PRKCE: variants seen among roughly 807,000 people sequenced by gnomAD.
The protein encoded by PRKCE is protein kinase C epsilon.
A neutral mutation model predicts 85.4 loss-of-function variants in PRKCE; 16 were observed. The observed-to-expected ratio is 0.19, with a 90% CI of 0.13 to 0.28. The LOEUF (loss-of-function observed/expected upper bound fraction) is 0.28. PRKCE is among the 10% of genes least tolerant of loss of function. PRKCE has a pLI of 1.00. For missense variants in PRKCE, 573 were observed against 975.2 expected (o/e 0.59, Z 5.49); for synonymous variants, 388 against 371.5 (o/e 1.04, Z -0.51).
intron 1 of PRKCE, among the ~76,000 whole-genome samples, chr2:45,768,696 C>T (rs892718768): frequency 6.6e-5 from 10 of 152,220 alleles, no homozygotes; most frequent in Admixed American, 4.6e-4. Flanking sequence ...TCCAAATGCT[C>T]TGTCTTTCAC....
At chr2:45,984,423 C>A (rs1203251500) in intron 5 of PRKCE, 128 bp from the exon 6 acceptor site, 16 of 1,370,480 alleles carry the variant, frequency 1.2e-5, no homozygotes, top group Non-Finnish European at 1.5e-5. Flanking sequence ...GCTTTTAGAG[C>A]CAAGCTAGGG....
At chr2:45,763,770 G>A (rs929618956) in intron 1 of PRKCE, among the ~76,000 whole-genome samples, 1 of 152,048 alleles carries the variant, frequency 6.6e-6, no homozygotes, top group Non-Finnish European at 1.5e-5. Flanking sequence ...TTTTATCAGT[G>A]GGGGAAAGAG....
intron 11 of PRKCE, among the ~76,000 whole-genome samples, chr2:46,111,161 G>A (rs1187163198): frequency 6.7e-6 from 1 of 149,274 alleles, no homozygotes; most frequent in Non-Finnish European, 1.5e-5. Flanking sequence ...GAATTCTTAT[G>A]TTATTGGATG....
At chr2:46,032,965 G>A (rs960215565) in intron 10 of PRKCE, among the ~76,000 whole-genome samples, 24 of 152,156 alleles carry the variant, frequency 1.6e-4, no homozygotes, top group African/African-American at 4.8e-4. Flanking sequence ...TGAAGTAGCC[G>A]TCAGTGGTGC....
At chr2:45,864,772 T>C (rs557869064) in intron 2 of PRKCE, among the ~76,000 whole-genome samples, 9 of 152,316 alleles carry the variant, frequency 5.9e-5, no homozygotes, top group African/African-American at 2.2e-4. Context: ...AGCTTCTCTT[T>C]TGAGGTAGAG....
rs1262422974 is a variant in PRKCE at position 45,789,118 on chromosome 2, G to T, written c.349-53882G>T. Among the ~76,000 whole-genome samples the T allele has an allele frequency of 2.0e-5, 3 of 152,254 alleles. No individual in the cohort carries two copies. The East Asian group carries it at 5.8e-4, about 29-fold the overall frequency. The stretch of plus-strand genomic sequence containing the variant: ...CTTTTAAGACAGATGACAGGTTCTT[G>T]GTGGGGGAAGGTGGCTCATGCCTAT... On this transcript the variant is annotated intron_variant, in intron 1 of 14. Coordinates refer to ENST00000306156, the MANE Select transcript of PRKCE (RefSeq NM_005400.3).
chr2:46,129,974 G>C (rs1674261525), intron 11 of PRKCE, among the ~76,000 whole-genome samples: 2 of 152,184 alleles, frequency 1.3e-5, no homozygotes, highest in South Asian at 4.1e-4. Flanking sequence ...AATAAAAGCT[G>C]TTTGACAGTC....
intron 1 of PRKCE, among the ~76,000 whole-genome samples, chr2:45,653,811 A>G (rs547652085): frequency 6.6e-6 from 1 of 152,320 alleles, no homozygotes; most frequent in African/African-American, 2.4e-5. Context: ...TGTGGTTTGC[A>G]CTTTGGAAAG....
chr2:46,018,352 G>A (rs1272977326), intron 10 of PRKCE, among the ~76,000 whole-genome samples: 5 of 152,206 alleles, frequency 3.3e-5, no homozygotes, highest in Non-Finnish European at 2.9e-5. Flanking sequence ...TAGGAGTCCC[G>A]GCCTTGTGAA....
chr2:46,027,098 A>G (rs1707170643), intron 10 of PRKCE, among the ~76,000 whole-genome samples: 1 of 152,084 alleles, frequency 6.6e-6, no homozygotes, highest in Non-Finnish European at 1.5e-5. Context: ...GAGCCTAGGA[A>G]GTCAAGGCTG....
At chr2:45,849,105 G>A (rs1573597934) in intron 2 of PRKCE, among the ~76,000 whole-genome samples, 2 of 152,308 alleles carry the variant, frequency 1.3e-5, no homozygotes, top group South Asian at 4.1e-4. Flanking sequence ...AGTATTGCAG[G>A]CAGAAATTTT....
chr2:45,885,330 G>A (rs1695213576), intron 2 of PRKCE, among the ~76,000 whole-genome samples: 1 of 152,050 alleles, frequency 6.6e-6, no homozygotes. Context: ...ACCTGACAAA[G>A]CTTCCTTTTT....
intron 13 of PRKCE, among the ~76,000 whole-genome samples, chr2:46,156,737 A>G (rs893782849): frequency 6.6e-6 from 1 of 152,220 alleles, no homozygotes; most frequent in African/African-American, 2.4e-5. Context: ...TGTTCAGTTT[A>G]TATATTTAGG....
intron 11 of PRKCE, among the ~76,000 whole-genome samples, chr2:46,095,137 G>A (rs1670561920): frequency 1.3e-5 from 2 of 152,190 alleles, no homozygotes; most frequent in African/African-American, 4.8e-5. Flanking sequence ...CTATCATTCA[G>A]ATATTGGACT....
chr2:45,859,304 GTATC>G lies in PRKCE; in HGVS notation c.412+16249_412+16252del, dbSNP rs199524557. On this transcript the variant is annotated intron_variant, in intron 2 of 14. Coordinates refer to ENST00000306156, the MANE Select transcript of PRKCE (RefSeq NM_005400.3). ...AATAGTATATTATGGGGGTGTCCTT[GTATC>G]TATCTATAGTTTCTCTAGATTATTT... Among the ~76,000 whole-genome samples the G allele has an allele frequency of 2.6e-5, 4 of 152,078 alleles. No individual in the cohort carries two copies. In the East Asian group the frequency reaches 7.7e-4, roughly 29 times the overall value.
intron 1 of PRKCE, among the ~76,000 whole-genome samples, chr2:45,822,649 T>G (rs896406748): frequency 2.0e-5 from 3 of 152,176 alleles, no homozygotes; most frequent in Non-Finnish European, 4.4e-5. Context: ...AAGAACAGCT[T>G]GGCAATTTAA....
chr2:45,852,971 C>T (rs1692394621), intron 2 of PRKCE, among the ~76,000 whole-genome samples: 1 of 152,190 alleles, frequency 6.6e-6, no homozygotes, highest in Non-Finnish European at 1.5e-5. Flanking sequence ...CCCTGAACCG[C>T]ACTTGGAGTA....
chr2:46,049,899 GTCCA>G (rs1708748900), intron 10 of PRKCE, among the ~76,000 whole-genome samples: 1 of 152,202 alleles, frequency 6.6e-6, no homozygotes, highest in Non-Finnish European at 1.5e-5. Context: ...AGGTCCTTCT[GTCCA>G]TCAAATCCAA....
At chr2:46,035,988 G>A (rs987650497) in intron 10 of PRKCE, among the ~76,000 whole-genome samples, 2 of 152,234 alleles carry the variant, frequency 1.3e-5, no homozygotes, top group Non-Finnish European at 2.9e-5. Context: ...GAAGGTGGAA[G>A]TGCTAGGGAA....
Sources: gnomAD v4.1 joint callset for allele counts (sites outside exome capture counted in the v4.1 genomes callset) on GRCh38, gnomAD v4.1.1 for gene constraint, MANE v1.5 for transcripts, NCBI Gene and HGNC (gene_info 2026-07-23, HGNC 2026-07-21) for gene names.